Variants in DSCAM observed in about 807,000 individuals in gnomAD.
DSCAM encodes the protein DS cell adhesion molecule, also known as cell adhesion molecule DSCAM.
DSCAM carries 47 observed loss-of-function variants against 217.7 expected under a neutral mutation model. The observed-to-expected ratio is 0.22, with a 90% CI of 0.17 to 0.28. The LOEUF (loss-of-function observed/expected upper bound fraction) is 0.28. DSCAM is among the 10% of genes least tolerant of loss of function. The pLI is 1.00. For synonymous variants in DSCAM, 1,056 were observed against 1,015.3 expected, an observed-to-expected ratio of 1.04 and a Z score of -0.76; for missense variants, 2,080 against 2,618.3, an observed-to-expected ratio of 0.79 and a Z score of 4.49.
rs566076876 is a variant in DSCAM, at chr21:40,518,586, A to G, written c.509-149341T>C. ...CACACATATATACATACACACACATATACACACACACATATATACATACAC... is the reference window on the plus strand; with the variant it reads ...CACACATATATACATACACACACATGTACACACACACATATATACATACAC... On this transcript the variant is annotated intron_variant, in intron 3 of 32. Coordinates refer to ENST00000400454, the MANE Select transcript of DSCAM (RefSeq NM_001389.5). Among the ~76,000 whole-genome samples the G allele has an allele frequency of 3.3e-5, 3 of 90,958 alleles. No homozygotes were observed. In the Admixed American group the frequency reaches 5.2e-4, roughly 16 times the overall value. The allele number at this position is 90,958 out of a possible 152,430, so 59.7% of individuals were successfully genotyped here. A position where few individuals can be genotyped will look rare whatever the true frequency, so the allele number is the denominator to read the frequency against.
chr21:40,553,807 T>C (rs1009411337), intron 3 of DSCAM, among the ~76,000 whole-genome samples: 2 of 152,156 alleles, frequency 1.3e-5, no homozygotes, highest in Non-Finnish European at 2.9e-5. Flanking sequence ...GACAGAGTCA[T>C]AGGATCACTA....
intron 10 of DSCAM, among the ~76,000 whole-genome samples, chr21:40,295,752 T>C (rs1207396047): frequency 3.3e-5 from 5 of 152,144 alleles, no homozygotes; most frequent in Non-Finnish European, 7.4e-5. Flanking sequence ...AAGCAGACCA[T>C]GGTTATGTAA....
At chr21:40,415,154 A>G (rs913541476) in intron 3 of DSCAM, among the ~76,000 whole-genome samples, 1 of 152,356 alleles carries the variant, frequency 6.6e-6, no homozygotes, top group Non-Finnish European at 1.5e-5. Context: ...CAAATTAAAG[A>G]TTATCATCAA....
intron 1 of DSCAM, among the ~76,000 whole-genome samples, chr21:40,736,266 G>T (rs1407892420): frequency 6.6e-6 from 1 of 152,084 alleles, no homozygotes; most frequent in Non-Finnish European, 1.5e-5. Flanking sequence ...CTCCTCTGAA[G>T]CCCATCATTT....
intron 3 of DSCAM, among the ~76,000 whole-genome samples, chr21:40,537,215 T>A (rs1244750489): frequency 6.6e-6 from 1 of 152,150 alleles, no homozygotes; most frequent in African/African-American, 2.4e-5. Flanking sequence ...CTGAACAAAG[T>A]TCCTGGAGGC....
chr21:40,594,715 A>G (rs879395994), intron 3 of DSCAM, among the ~76,000 whole-genome samples: 4 of 146,074 alleles, frequency 2.7e-5, no homozygotes, highest in Non-Finnish European at 4.6e-5. Context: ...AATAACTTGT[A>G]TGTAGATAAA....
intron 1 of DSCAM, among the ~76,000 whole-genome samples, chr21:40,810,737 C>T (rs2091830391): frequency 6.6e-6 from 1 of 152,052 alleles, no homozygotes; most frequent in Non-Finnish European, 1.5e-5. Context: ...CCTATCTCTA[C>T]AAAATAAAAA....
At chr21:40,435,337 T>C (rs1002559523) in intron 3 of DSCAM, among the ~76,000 whole-genome samples, 4 of 152,218 alleles carry the variant, frequency 2.6e-5, no homozygotes, top group African/African-American at 9.6e-5. Context: ...ATTTAGTTGG[T>C]ATTATGCAGC....
intron 3 of DSCAM, among the ~76,000 whole-genome samples, chr21:40,378,083 C>A (rs561936238): frequency 6.6e-6 from 1 of 152,220 alleles, no homozygotes; most frequent in South Asian, 2.1e-4. Context: ...AGTTAAAGAA[C>A]ACTCCACGTC....
At chr21:40,223,656 T>A (rs2091307716) in intron 11 of DSCAM, among the ~76,000 whole-genome samples, 1 of 152,232 alleles carries the variant, frequency 6.6e-6, no homozygotes, top group Non-Finnish European at 1.5e-5. Flanking sequence ...AAGTCATCAA[T>A]AGCGGTTGTT....
chr21:40,083,116 A>G (rs1432293429), intron 24 of DSCAM, among the ~76,000 whole-genome samples: 1 of 152,162 alleles, frequency 6.6e-6, no homozygotes, highest in Non-Finnish European at 1.5e-5. Context: ...TAGAACGACC[A>G]TGCTCACTCC....
At chr21:40,536,151 A>G (rs1472225189) in intron 3 of DSCAM, among the ~76,000 whole-genome samples, 9 of 152,200 alleles carry the variant, frequency 5.9e-5, no homozygotes, top group Admixed American at 5.9e-4. Context: ...AGTGGGCATC[A>G]GCATGTTCGA....
At chr21:40,211,138 T>A (rs1422725206) in intron 11 of DSCAM, among the ~76,000 whole-genome samples, 1 of 152,232 alleles carries the variant, frequency 6.6e-6, no homozygotes, top group Non-Finnish European at 1.5e-5. Flanking sequence ...AGTTGGCTTT[T>A]TTTCACTAAG....
intron 3 of DSCAM, among the ~76,000 whole-genome samples, chr21:40,614,222 G>A (rs1601789560): frequency 1.3e-5 from 2 of 152,342 alleles, no homozygotes; most frequent in Non-Finnish European, 1.5e-5. Flanking sequence ...GATGCAGGCT[G>A]TAGACCACCC....
intron 3 of DSCAM, among the ~76,000 whole-genome samples, chr21:40,431,075 A>G (rs1383153067): frequency 6.6e-6 from 1 of 152,274 alleles, no homozygotes; most frequent in African/African-American, 2.4e-5. Context: ...ATCTCTGCGA[A>G]GATAAATAGA....
At chr21:40,624,832 A>G (rs1259557934) in intron 3 of DSCAM, among the ~76,000 whole-genome samples, 2 of 152,248 alleles carry the variant, frequency 1.3e-5, no homozygotes, top group African/African-American at 4.8e-5. Flanking sequence ...ATTGGGAAAT[A>G]TCTCCAATAC....
At chr21:40,070,404 A>C (rs532204654) in intron 27 of DSCAM, among the ~76,000 whole-genome samples, 178 of 150,062 alleles carry the variant, frequency 1.2e-3, no homozygotes, top group African/African-American at 4.3e-3. Context: ...GGAAAAGAAA[A>C]GAAAAGAAAA....
chr21:40,761,314 C>T (rs1187737146), intron 1 of DSCAM, among the ~76,000 whole-genome samples: 1 of 152,180 alleles, frequency 6.6e-6, no homozygotes. Context: ...CTTCTAGAAT[C>T]TACATGTATT....
chr21:40,254,562 T>C (rs1569025549), intron 11 of DSCAM, among the ~76,000 whole-genome samples: 1 of 152,278 alleles, frequency 6.6e-6, no homozygotes, highest in East Asian at 1.9e-4. Context: ...CTGAGGTACA[T>C]TATGACTTAA....
Sources: gnomAD v4.1 joint callset for allele counts (sites outside exome capture counted in the v4.1 genomes callset) on GRCh38, gnomAD v4.1.1 for gene constraint, MANE v1.5 for transcripts, NCBI Gene and HGNC (gene_info 2026-07-23, HGNC 2026-07-21) for gene names.